Variants in SLC25A32 observed in about 807,000 individuals in gnomAD.
SLC25A32 encodes the protein Glycine auxotroph B, complementation of hamster.
SLC25A32 carries 32 observed loss-of-function variants against 39.0 expected under a neutral mutation model. That is an observed-to-expected ratio of 0.82 (90% confidence interval 0.62 to 1.10). SLC25A32 has a LOEUF of 1.10. Ranked by LOEUF, SLC25A32 falls within the 50% of genes least tolerant of loss-of-function variation. The pLI is 0.00. For synonymous variants in SLC25A32, 166 were observed against 152.4 expected (o/e 1.09, Z -0.66); for missense variants, 367 against 395.3 (o/e 0.93, Z 0.61).
intron 2 of SLC25A32, 94 bp downstream of exon 2, chr8:103,407,540 A>T: frequency 9.7e-7 from 1 of 1,036,046 alleles, no homozygotes; most frequent in South Asian, 1.9e-5. Context: ...TGATTAAATG[A>T]CTCAACTTAT....
chr8:103,403,719 C>T (rs1288214556), intron 3 of SLC25A32, among the ~76,000 whole-genome samples: 3 of 152,192 alleles, frequency 2.0e-5, no homozygotes, highest in East Asian at 1.9e-4. Context: ...TGAAGATAGG[C>T]GAAAAGAACC....
intron 2 of SLC25A32, among the ~76,000 whole-genome samples, chr8:103,407,070 G>A (rs1212801963): frequency 6.6e-6 from 1 of 151,950 alleles, no homozygotes; most frequent in Non-Finnish European, 1.5e-5. Flanking sequence ...ATAACAAACC[G>A]ACTGATTCAA....
intron 3 of SLC25A32, among the ~76,000 whole-genome samples, chr8:103,404,303 T>G (rs1816279300): frequency 6.6e-6 from 1 of 152,132 alleles, no homozygotes; most frequent in Non-Finnish European, 1.5e-5. Context: ...TGCTAAGAAA[T>G]TCCATATAAC....
Position 103,414,807 on chromosome 8 carries a change from T to C in SLC25A32, c.131A>G (p.Asp44Gly). The C allele has an allele frequency of 6.2e-7, 1 of 1,613,608 alleles. No individual in the cohort carries two copies. The highest frequency in any genetic ancestry group is 1.1e-5 in the South Asian group (1 of 91,064). Residue 44 changes from aspartate (D) to glycine (G), a missense_variant, in exon 1 of 7, where the codon GAC (aspartate) becomes GGC (glycine). Coordinates refer to ENST00000297578, the MANE Select transcript of SLC25A32 (RefSeq NM_030780.5). ...ACCGGCGAAGCGGATCTTCACGAGG[T>C]CGAGCGGATGCAGCGCAAGGTTGGA... ...VLSNLALHPL[D>G]LVKIRFAVSD...
chr8:103,413,666 T>C (rs1431121096), intron 1 of SLC25A32, among the ~76,000 whole-genome samples: 2 of 152,234 alleles, frequency 1.3e-5, no homozygotes, highest in African/African-American at 4.8e-5. Flanking sequence ...TAAAACTTCA[T>C]GACATTATAT....
intron 4 of SLC25A32, 119 bp from the exon 5 acceptor site, chr8:103,402,173 C>T (rs188808369): frequency 3.2e-6 from 2 of 618,206 alleles, no homozygotes; most frequent in East Asian, 3.0e-5. Flanking sequence ...TTTAATTTTG[C>T]ACAAATCACA....
chr8:103,405,054 T>A (rs555481979), intron 2 of SLC25A32, among the ~76,000 whole-genome samples, 193 bp from the exon 3 acceptor site: 9 of 152,278 alleles, frequency 5.9e-5, no homozygotes, highest in Non-Finnish European at 1.3e-4. Flanking sequence ...CCCTCTCAAA[T>A]GAATACGGCT....
chr8:103,408,427 C>T (rs1055578193), intron 1 of SLC25A32, among the ~76,000 whole-genome samples: 1 of 152,110 alleles, frequency 6.6e-6, no homozygotes, highest in African/African-American at 2.4e-5. Context: ...TAGGTTTCAA[C>T]ACTTAGGTTT....
intron 1 of SLC25A32, among the ~76,000 whole-genome samples, chr8:103,414,127 TG>T (rs1435928988): frequency 1.3e-5 from 2 of 152,266 alleles, no homozygotes; most frequent in Non-Finnish European, 2.9e-5. Flanking sequence ...TAACTTTATT[TG>T]GAAACTATTT....
In SLC25A32 at chr8:103,403,291, C is replaced by T. The variant is rs147014855; in HGVS notation, c.425G>A (p.Trp142Ter). The T allele has an allele frequency of 4.8e-5, 78 of 1,611,096 alleles. No individual in the cohort carries two copies. Among genetic ancestry groups the T allele is most frequent in the Non-Finnish European group, 6.0e-5 (71 of 1,178,858 alleles). ...TAACATAAGGCGAGTTTTTGTTACC[C>T]ATAATGGGTTTGTAATGCAGAGGGT... ...AMTLCITNPLWVTKTRLMLQY... is the reference protein window; with the variant it reads ...AMTLCITNPL The change falls in exon 4 of 7, where the codon TGG (tryptophan) becomes TAG (stop). Residue 142 changes from tryptophan to a stop codon, truncating the protein, a stop_gained. Coordinates refer to ENST00000297578, the MANE Select transcript of SLC25A32 (RefSeq NM_030780.5). LOFTEE classifies it high-confidence loss of function.
intron 1 of SLC25A32, among the ~76,000 whole-genome samples, chr8:103,414,002 C>A (rs1816527408): frequency 6.6e-6 from 1 of 152,176 alleles, no homozygotes; most frequent in Non-Finnish European, 1.5e-5. Context: ...ACTTCTGTAG[C>A]CCATACAGCA....
intron 3 of SLC25A32, 46 bp from the exon 4 acceptor site, chr8:103,403,370 G>C: frequency 8.2e-7 from 1 of 1,224,512 alleles, no homozygotes; most frequent in Non-Finnish European, 1.1e-6. Flanking sequence ...AGATACTTTC[G>C]CACTTATGAC....
chr8:103,408,893 T>G (rs747610219), intron 1 of SLC25A32, among the ~76,000 whole-genome samples: 1 of 152,224 alleles, frequency 6.6e-6, no homozygotes, highest in Non-Finnish European at 1.5e-5. Context: ...ACTGCCATCA[T>G]CCTACTTTGA....
At position 103,404,698 on chromosome 8, in the gene SLC25A32, CAAAGA is replaced by C. The variant is rs552404240; in HGVS notation, c.391+73_391+77del. The stretch of plus-strand genomic sequence containing the variant: ...ATGGGCATATTTAAACTCAGGTGTT[CAAAGA>C]AAAGAAATCAAAAACCAAAACTGAA... On this transcript the variant is annotated intron_variant, in intron 3 of 6. Transcript: ENST00000297578. The C allele has an allele frequency of 1.3e-4, 114 of 906,974 alleles. 1 individual carries two copies. The South Asian group carries it at 1.5e-3, about 12-fold the overall frequency. The allele number at this position is 906,974 out of a possible 1,614,324, so 56.2% of individuals were successfully genotyped here. A position where few individuals can be genotyped will look rare whatever the true frequency, so the allele number is the denominator to read the frequency against.
chr8:103,405,874 G>C (rs1195987020), intron 2 of SLC25A32, among the ~76,000 whole-genome samples: 2 of 151,844 alleles, frequency 1.3e-5, no homozygotes, highest in East Asian at 3.9e-4. Flanking sequence ...TCACTATGTT[G>C]CCCAGGCTGG....
chr8:103,408,055 G>A (rs1490533376), intron 1 of SLC25A32, among the ~76,000 whole-genome samples: 1 of 150,784 alleles, frequency 6.6e-6, no homozygotes, highest in Non-Finnish European at 1.5e-5. Context: ...TTGGCTCACT[G>A]CAATCTCCGC....
At chr8:103,410,506 A>G (rs1031180952) in intron 1 of SLC25A32, among the ~76,000 whole-genome samples, 3 of 152,114 alleles carry the variant, frequency 2.0e-5, no homozygotes, top group Non-Finnish European at 4.4e-5. Context: ...TCCTTATGAG[A>G]ATTTATTGCC....
In SLC25A32 at chr8:103,414,770, G is replaced by T. The variant is rs748078750; in HGVS notation, c.154+14C>A. On this transcript the variant is annotated intron_variant, in intron 1 of 6. Transcript: ENST00000297578. ...AGTGAGAGGATGCAGCCCGGTGTCT[G>T]GGCGGGCTCTTACCGGCGAAGCGGA... The T allele has an allele frequency of 4.0e-5, 64 of 1,613,272 alleles. No homozygotes were observed. In the Admixed American group the frequency reaches 1.0e-3, roughly 25 times the overall value.
intron 1 of SLC25A32, among the ~76,000 whole-genome samples, 190 bp from the exon 2 acceptor site, chr8:103,407,974 A>AATATATATATATATAG (rs1563719218): frequency 5.5e-5 from 8 of 145,794 alleles, no homozygotes; most frequent in African/African-American, 1.7e-4. Flanking sequence ...TATATATATA[A>AATATATATATATATAG]ATATGTAAAA....
Sources: allele counts gnomAD v4.1 joint callset (sites outside exome capture counted in the v4.1 genomes callset), GRCh38; gene constraint gnomAD v4.1.1; transcripts MANE v1.5; gene names NCBI Gene and HGNC (gene_info 2026-07-23, HGNC 2026-07-21).